Variants in DGKH observed in about 807,000 individuals in gnomAD.
DGKH encodes DAG kinase eta.
In DGKH, 90 loss-of-function variants were observed where a neutral mutation model predicts 159.3. The observed-to-expected ratio is 0.57, with a 90% CI of 0.48 to 0.67. DGKH has a LOEUF of 0.67. Among genes scored for constraint, DGKH ranks in the 30% least tolerant of loss-of-function variants. The pLI, the probability that DGKH is intolerant of heterozygous loss-of-function variation, is 0.00. For synonymous variants in DGKH, 536 were observed against 553.8 expected (o/e 0.97, Z 0.45); for missense variants, 1,181 against 1,506.1 (o/e 0.78, Z 3.57).
chr13:42,191,786 A>C (rs1458270388), intron 16 of DGKH, among the ~76,000 whole-genome samples: 1 of 152,208 alleles, frequency 6.6e-6, no homozygotes, highest in Non-Finnish European at 1.5e-5. Context: ...CTAAATAAGT[A>C]AAACGTAAAC....
chr13:42,110,562 AAG>A (rs1954843412), intron 1 of DGKH, among the ~76,000 whole-genome samples: 1 of 114,056 alleles, frequency 8.8e-6, no homozygotes, highest in African/African-American at 3.8e-5. Flanking sequence ...GATAAGGAAG[AAG>A]TAAATTCAGA....
chr13:42,162,776 C>G (rs917149243), intron 7 of DGKH, among the ~76,000 whole-genome samples: 3 of 151,316 alleles, frequency 2.0e-5, no homozygotes, highest in African/African-American at 7.3e-5. Flanking sequence ...TGCACTCCAG[C>G]TTGGGCAACA....
At chr13:42,124,901 C>A (rs1026899335) in intron 1 of DGKH, among the ~76,000 whole-genome samples, 1 of 152,176 alleles carries the variant, frequency 6.6e-6, no homozygotes, top group South Asian at 2.1e-4. Flanking sequence ...GCAAGATTTT[C>A]TCCTGACACC....
chr13:42,073,201 C>T (rs1883086925), intron 1 of DGKH, among the ~76,000 whole-genome samples: 1 of 152,222 alleles, frequency 6.6e-6, no homozygotes, highest in South Asian at 2.1e-4. Flanking sequence ...AGAGCAGTGT[C>T]CTGCTCGATA....
intron 26 of DGKH, among the ~76,000 whole-genome samples, chr13:42,218,299 C>G (rs1336659619): frequency 6.6e-6 from 1 of 152,036 alleles, no homozygotes; most frequent in Non-Finnish European, 1.5e-5. Context: ...TTAAAATATC[C>G]AAACCCAGTT....
At chr13:42,121,086 CACACAA>C (rs199957620) in intron 1 of DGKH, among the ~76,000 whole-genome samples, 118 of 148,254 alleles carry the variant, frequency 8.0e-4, no homozygotes, top group African/African-American at 2.6e-3. Context: ...CACACACACA[CACACAA>C]CATGCGCACA....
intron 1 of DGKH, among the ~76,000 whole-genome samples, chr13:42,042,558 T>C (rs866697738): frequency 6.6e-6 from 1 of 152,244 alleles, no homozygotes; most frequent in African/African-American, 2.4e-5. Flanking sequence ...ATTAGGTTTA[T>C]TTTCTTTAAA....
intron 17 of DGKH, among the ~76,000 whole-genome samples, chr13:42,195,607 G>T (rs184011771): frequency 7.8e-4 from 119 of 152,316 alleles, no homozygotes; most frequent in South Asian, 4.6e-3. Flanking sequence ...AGTTCCCAAA[G>T]TAAGTCTGAA....
At chr13:42,219,022 G>T (rs1480363629) in intron 26 of DGKH, among the ~76,000 whole-genome samples, 4 of 152,082 alleles carry the variant, frequency 2.6e-5, no homozygotes, top group Non-Finnish European at 5.9e-5. Context: ...TGATCTTTGG[G>T]AAGTAATGAT....
chr13:42,143,541 G>T (rs1955631197), intron 3 of DGKH, among the ~76,000 whole-genome samples: 1 of 152,008 alleles, frequency 6.6e-6, no homozygotes, highest in Non-Finnish European at 1.5e-5. Context: ...GACTTTTTTT[G>T]GTTGGTAAGC....
intron 1 of DGKH, among the ~76,000 whole-genome samples, chr13:42,088,623 TA>T (rs1201748260): frequency 6.6e-6 from 1 of 150,552 alleles, no homozygotes; most frequent in African/African-American, 2.4e-5. Context: ...ATAGAAACAC[TA>T]AAAAAAAGAG....
In DGKH at chr13:42,155,732, AC is replaced by A. The variant is rs1398979984; in HGVS notation, c.558del (p.Thr187ProfsTer33). ...ACTGGTACGCCTGCTCCCACGCCCG[AC>A]CCACCTTCTGTAACGTGTGCAGAGA... ...HNWYACSHAR[P>X]TFCNVCRESL... On this transcript the variant is annotated frameshift_variant, in exon 5 of 30. Coordinates refer to ENST00000337343, the MANE Select transcript of DGKH (RefSeq NM_178009.5). LOFTEE classifies it high-confidence loss of function. 1 of 1,614,030 alleles carries A rather than the reference AC, an allele frequency of 6.2e-7. No individual in the cohort carries two copies. The highest frequency in any genetic ancestry group is 1.1e-5 in the South Asian group (1 of 91,064).
chr13:42,218,036 A>AATC (rs374568018), intron 26 of DGKH, among the ~76,000 whole-genome samples: 3,424 of 151,946 alleles, frequency 0.023, 54 homozygotes, highest in Non-Finnish European at 0.035. Flanking sequence ...CTCTGTCTCA[A>AATC]ATCATCATCA....
At chr13:42,071,298 A>C (rs1213825218) in intron 1 of DGKH, among the ~76,000 whole-genome samples, 1 of 152,232 alleles carries the variant, frequency 6.6e-6, no homozygotes, top group Non-Finnish European at 1.5e-5. Flanking sequence ...AAAAAGCTCT[A>C]CTCATGTTGA....
chr13:42,194,902 T>C lies in DGKH; in HGVS notation c.2053T>C (p.Ser685Pro). ...ESITVKTAPRSPDARASYGHS... is the reference protein window; with the variant it reads ...ESITVKTAPRPPDARASYGHS... ...GCCAACAGTTAAAACTGCACCTCGG[T>C]CTCCAGATGCCCGGGCAAGTTATGG... The change falls in exon 17 of 30, where the codon TCT becomes CCT. Residue 685 changes from serine (S) to proline (P), a missense_variant. Ser to Pro is a moderately conservative substitution (Grantham distance 74, BLOSUM62 -1). Transcript: ENST00000337343. 6.2e-7 allele frequency: 1 copy of C among 1,613,690 alleles called. No homozygotes were observed. The highest frequency in any genetic ancestry group is 8.5e-7 in the Non-Finnish European group (1 of 1,179,844).
At chr13:42,187,467 C>T (rs1956960692) in intron 14 of DGKH, among the ~76,000 whole-genome samples, 1 of 152,088 alleles carries the variant, frequency 6.6e-6, no homozygotes, top group Non-Finnish European at 1.5e-5. Flanking sequence ...ACCTTCACCT[C>T]CCAGGTTCAA....
intron 3 of DGKH, among the ~76,000 whole-genome samples, chr13:42,130,425 C>T (rs1412614114): frequency 6.6e-6 from 1 of 152,176 alleles, no homozygotes. Context: ...GTGTTAAGCA[C>T]AAGAAATTCA....
chr13:42,256,123 T>C, intron 30 of DGKH: 1 of 1,181,022 alleles, frequency 8.5e-7, no homozygotes, highest in Non-Finnish European at 1.3e-6. Context: ...AGGTGAACCC[T>C]ACTCAGTGTG....
At chr13:42,049,988 A>C (rs970530946) in intron 1 of DGKH, among the ~76,000 whole-genome samples, 1 of 152,242 alleles carries the variant, frequency 6.6e-6, no homozygotes, top group Non-Finnish European at 1.5e-5. Context: ...TTTAAAAATA[A>C]ATTTGCAAAA....
Sources: gnomAD v4.1 joint callset for allele counts (sites outside exome capture counted in the v4.1 genomes callset) on GRCh38, gnomAD v4.1.1 for gene constraint, MANE v1.5 for transcripts, NCBI Gene and HGNC (gene_info 2026-07-23, HGNC 2026-07-21) for gene names.